TLK1: variants seen among roughly 807,000 people sequenced by gnomAD.
TLK1 encodes tousled like kinase 1, also known as serine/threonine-protein kinase tousled-like 1.
TLK1 carries 24 observed loss-of-function variants against 105.3 expected under a neutral mutation model. The ratio of observed to expected loss-of-function variants is 0.23; its 90% confidence interval spans 0.17 to 0.32. The LOEUF (loss-of-function observed/expected upper bound fraction) is 0.32. Among genes scored for constraint, TLK1 ranks in the 10% least tolerant of loss-of-function variants. The probability of loss-of-function intolerance (pLI) is 1.00; values close to 1 mark genes in which losing one functional copy is unlikely to be tolerated. For synonymous variants in TLK1, 321 were observed against 310.4 expected (o/e 1.03, Z -0.36); for missense variants, 558 against 910.5 (o/e 0.61, Z 4.98).
intron 2 of TLK1, among the ~76,000 whole-genome samples, chr2:171,099,286 G>C (rs1033904581): frequency 6.6e-6 from 1 of 151,780 alleles, no homozygotes; most frequent in African/African-American, 2.4e-5. Flanking sequence ...AAAATACTTA[G>C]GAATAAACTT....
intron 1 of TLK1, among the ~76,000 whole-genome samples, chr2:171,125,213 G>C (rs941002231): frequency 3.3e-5 from 5 of 152,166 alleles, no homozygotes; most frequent in African/African-American, 9.7e-5. Flanking sequence ...ATTATGCTGT[G>C]ATGAGATATT....
intron 11 of TLK1, among the ~76,000 whole-genome samples, chr2:171,042,727 G>A (rs1437617731): frequency 7.2e-5 from 11 of 151,762 alleles, no homozygotes; most frequent in Admixed American, 5.9e-4. Flanking sequence ...AAAAAAAAAG[G>A]TTAGAGAGAA....
intron 1 of TLK1, among the ~76,000 whole-genome samples, chr2:171,130,685 A>T (rs1407762441): frequency 6.6e-6 from 1 of 152,202 alleles, no homozygotes; most frequent in African/African-American, 2.4e-5. Flanking sequence ...TAAACCTTCA[A>T]ATAAGGAACA....
At position 171,212,892 on chromosome 2, in the gene TLK1, G is replaced by GT. The variant is rs199985820; in HGVS notation, c.-6+18252dup. On this transcript the variant is annotated intron_variant, in intron 1 of 20. Transcript: ENST00000521943. ...AGAGGAAAACAGCAAAAAGCGTTTTGTTTTTTTTTAAAAAAAACAAGCAAA... is the reference window on the plus strand; with the variant it reads ...AGAGGAAAACAGCAAAAAGCGTTTTGTTTTTTTTTTAAAAAAAACAAGCAAA... 0.014 allele frequency among the ~76,000 whole-genome samples: 197 copies of GT among 13,970 alleles called. 3 individuals carry two copies. The East Asian group carries it at 0.29, about 20-fold the overall frequency. 9.2% of individuals were successfully genotyped at this position (13,970 alleles called of 152,430 possible). A position where few individuals can be genotyped will look rare whatever the true frequency, so the allele number is the denominator to read the frequency against.
chr2:171,139,664 A>T (rs1691486464), intron 1 of TLK1, among the ~76,000 whole-genome samples: 1 of 152,180 alleles, frequency 6.6e-6, no homozygotes, highest in Non-Finnish European at 1.5e-5. Flanking sequence ...AGGCAAAAAT[A>T]GTTCTGCTTC....
intron 3 of TLK1, among the ~76,000 whole-genome samples, chr2:171,064,958 T>C (rs1045650785): frequency 1.3e-5 from 2 of 152,222 alleles, no homozygotes; most frequent in African/African-American, 4.8e-5. Context: ...CCAATTTTAC[T>C]TGGAACTTAG....
intron 1 of TLK1, among the ~76,000 whole-genome samples, chr2:171,126,176 C>T (rs559924383): frequency 2.0e-4 from 31 of 152,080 alleles, no homozygotes; most frequent in Non-Finnish European, 3.1e-4. Flanking sequence ...CCAAAATTTA[C>T]AAATGTAAAT....
chr2:171,146,989 T>C (rs781314047), intron 1 of TLK1, among the ~76,000 whole-genome samples: 2 of 152,200 alleles, frequency 1.3e-5, no homozygotes, highest in Non-Finnish European at 2.9e-5. Flanking sequence ...CTTAAGTTAA[T>C]TTCTAGCAAC....
At position 171,227,568 on chromosome 2, in the gene TLK1, C is replaced by CTTTTTTTTTTTTTTT. The variant is rs71401413; in HGVS notation, c.-6+3562_-6+3576dup. Reference sequence around the variant, plus strand: ...AGTTAGTCATGAGTTAGTAAATCTCCTTTTTTTTTTTTTTTTTTTTTTTTT... The same window carrying CTTTTTTTTTTTTTTT: ...AGTTAGTCATGAGTTAGTAAATCTCCTTTTTTTTTTTTTTTTTTTTTTTTTTTTTTTTTTTTTTTT... On this transcript the variant is annotated intron_variant, in intron 1 of 20. Transcript: ENST00000521943. Among the ~76,000 whole-genome samples, 54 of 55,514 alleles carry CTTTTTTTTTTTTTTT rather than the reference C, an allele frequency of 9.7e-4. 3 individuals are homozygous for CTTTTTTTTTTTTTTT. The highest frequency in any genetic ancestry group is 1.2e-3 in the Non-Finnish European group (35 of 30,286). The allele number at this position is 55,514 out of a possible 152,430, so 36.4% of individuals were successfully genotyped here. A position where few individuals can be genotyped will look rare whatever the true frequency, so the allele number is the denominator to read the frequency against.
chr2:171,068,461 T>C (rs943009651), intron 3 of TLK1, among the ~76,000 whole-genome samples: 2 of 152,174 alleles, frequency 1.3e-5, no homozygotes, highest in East Asian at 1.9e-4. Context: ...CATGTGACCA[T>C]ACCCAGTTTC....
At chr2:171,010,971 TGAG>T (rs1470230313) in intron 14 of TLK1, among the ~76,000 whole-genome samples, 4 of 152,212 alleles carry the variant, frequency 2.6e-5, no homozygotes, top group African/African-American at 9.6e-5. Flanking sequence ...TTTTTTATAA[TGAG>T]GACATATAAT....
intron 18 of TLK1, among the ~76,000 whole-genome samples, chr2:171,002,353 G>A (rs1242958158): frequency 6.6e-6 from 1 of 151,990 alleles, no homozygotes; most frequent in African/African-American, 2.4e-5. Context: ...CCGCCTCCCG[G>A]GTTCATGCCA....
chr2:171,117,469 G>C (rs528507203), intron 2 of TLK1, among the ~76,000 whole-genome samples: 56 of 152,220 alleles, frequency 3.7e-4, no homozygotes, highest in Non-Finnish European at 6.8e-4. Context: ...TGGATAATAA[G>C]GGCAGGAAGG....
intron 1 of TLK1, among the ~76,000 whole-genome samples, chr2:171,139,369 G>A (rs959627029): frequency 1.3e-5 from 2 of 152,112 alleles, no homozygotes; most frequent in African/African-American, 4.8e-5. Flanking sequence ...AGGCAGGGGC[G>A]GGCAGATCTC....
chr2:171,191,173 AT>A (rs1051515679), intron 1 of TLK1, among the ~76,000 whole-genome samples: 108 of 149,150 alleles, frequency 7.2e-4, no homozygotes, highest in African/African-American at 2.5e-3. Flanking sequence ...AAAAAAAAAA[AT>A]TTATGTTCTT....
intron 4 of TLK1, 117 bp from the exon 5 acceptor site, chr2:171,058,314 A>G: frequency 1.1e-6 from 1 of 922,626 alleles, no homozygotes; most frequent in Non-Finnish European, 1.7e-6. Context: ...ATGACATTTC[A>G]ATAGAGACAT....
At chr2:171,204,290 G>A (rs911844694) in intron 1 of TLK1, among the ~76,000 whole-genome samples, 1 of 152,096 alleles carries the variant, frequency 6.6e-6, no homozygotes, top group Non-Finnish European at 1.5e-5. Flanking sequence ...CAGTGCTATC[G>A]TCCTGGCTAC....
At chr2:171,009,837 A>G (rs1684821691) in intron 14 of TLK1, among the ~76,000 whole-genome samples, 1 of 152,216 alleles carries the variant, frequency 6.6e-6, no homozygotes, top group African/African-American at 2.4e-5. Flanking sequence ...AAAGCTTTTA[A>G]CCAACTATGC....
At chr2:171,035,677 T>C (rs181933280) in intron 11 of TLK1, among the ~76,000 whole-genome samples, 1 of 152,256 alleles carries the variant, frequency 6.6e-6, no homozygotes, top group Admixed American at 6.5e-5. Flanking sequence ...CAGGTGAAAT[T>C]AAGGTTGCTT....
Sources: gnomAD v4.1 joint callset for allele counts (sites outside exome capture counted in the v4.1 genomes callset) on GRCh38, gnomAD v4.1.1 for gene constraint, MANE v1.5 for transcripts, NCBI Gene and HGNC (gene_info 2026-07-23, HGNC 2026-07-21) for gene names.